Variants in WDR41 observed in about 807,000 individuals in gnomAD.
WDR41 encodes the protein WD repeat-containing protein 41.
A neutral mutation model predicts 69.3 loss-of-function variants in WDR41; 63 were observed. That is an observed-to-expected ratio of 0.91 (90% CI 0.74 to 1.12). WDR41 has a LOEUF of 1.12. Ranked by LOEUF, WDR41 falls within the 50% of genes most tolerant of loss-of-function variation. WDR41 has a pLI of 0.00. For synonymous variants in WDR41, 185 were observed against 192.1 expected (o/e 0.96, Z 0.31); for missense variants, 543 against 534.5 (o/e 1.02, Z -0.16).
intron 1 of WDR41, among the ~76,000 whole-genome samples, chr5:77,550,173 A>G (rs1743270540): frequency 6.6e-6 from 1 of 152,208 alleles, no homozygotes; most frequent in Non-Finnish European, 1.5e-5. Context: ...CATTCTGGAC[A>G]TTGGCCTTGG....
At chr5:77,503,568 T>C (rs1053747892) in intron 1 of WDR41, among the ~76,000 whole-genome samples, 13 of 152,200 alleles carry the variant, frequency 8.5e-5, no homozygotes, top group African/African-American at 2.9e-4. Flanking sequence ...ATTAACAGAA[T>C]GTACATTCTT....
At chr5:77,574,016 G>A (rs375346498) in intron 1 of WDR41, among the ~76,000 whole-genome samples, 1 of 152,230 alleles carries the variant, frequency 6.6e-6, no homozygotes, top group African/African-American at 2.4e-5. Flanking sequence ...TAAAATTCCT[G>A]GCTGGGTGCA....
intron 1 of WDR41, among the ~76,000 whole-genome samples, chr5:77,507,046 G>C (rs979106921): frequency 6.6e-6 from 1 of 152,124 alleles, no homozygotes; most frequent in South Asian, 2.1e-4. Flanking sequence ...TTTAAAAAAA[G>C]AAACATATTT....
chr5:77,601,809 TA>T (rs778699888), intron 1 of WDR41, among the ~76,000 whole-genome samples: 2 of 152,232 alleles, frequency 1.3e-5, no homozygotes, highest in Non-Finnish European at 2.9e-5. Context: ...TGAATCTTTT[TA>T]AAAACCTTTT....
chr5:77,494,751 C>G (rs1357770314), upstream of WDR41, among the ~76,000 whole-genome samples: 1 of 152,046 alleles, frequency 6.6e-6, no homozygotes, highest in African/African-American at 2.4e-5. Flanking sequence ...ATAGATAGAA[C>G]AACCAGACAA....
chr5:77,543,173 C>T (rs1330880344), intron 1 of WDR41, among the ~76,000 whole-genome samples: 1 of 152,148 alleles, frequency 6.6e-6, no homozygotes, highest in East Asian at 1.9e-4. Flanking sequence ...AGCCCTAGAC[C>T]TTCCCTCTGA....
chr5:77,594,790 G>T (rs573800147), intron 1 of WDR41, among the ~76,000 whole-genome samples: 2 of 152,204 alleles, frequency 1.3e-5, no homozygotes, highest in South Asian at 4.1e-4. Flanking sequence ...AATGCAGCCT[G>T]CATTATGCGG....
chr5:77,531,194 G>C (rs1373780739), intron 1 of WDR41, among the ~76,000 whole-genome samples: 1 of 151,678 alleles, frequency 6.6e-6, no homozygotes, highest in African/African-American at 2.4e-5. Context: ...GCATCAAAAG[G>C]CATTAAAAAG....
chr5:77,583,398 C>T (rs892450071), intron 1 of WDR41, among the ~76,000 whole-genome samples: 1 of 151,248 alleles, frequency 6.6e-6, no homozygotes, highest in Non-Finnish European at 1.5e-5. Context: ...TCTGTAGTCT[C>T]AGCTACTCAG....
intron 1 of WDR41, among the ~76,000 whole-genome samples, chr5:77,520,823 C>G (rs1259598050): frequency 2.6e-5 from 4 of 152,086 alleles, no homozygotes; most frequent in Non-Finnish European, 4.4e-5. Context: ...CTATCAAGAC[C>G]TAGAAATAGA....
chr5:77,600,556 A>G (rs1744304218), intron 1 of WDR41, among the ~76,000 whole-genome samples: 1 of 152,160 alleles, frequency 6.6e-6, no homozygotes, highest in Non-Finnish European at 1.5e-5. Flanking sequence ...TCAGAGCTGT[A>G]TATCTAAAAA....
At chr5:77,457,508 A>AT (rs1799881570) in intron 5 of WDR41, among the ~76,000 whole-genome samples, 1 of 152,078 alleles carries the variant, frequency 6.6e-6, no homozygotes. Flanking sequence ...TTTCTGCCCT[A>AT]TTTTCTGATC....
At chr5:77,498,086 G>A (rs1447749835) in intron 1 of WDR41, among the ~76,000 whole-genome samples, 2 of 152,154 alleles carry the variant, frequency 1.3e-5, no homozygotes, top group Non-Finnish European at 2.9e-5. Flanking sequence ...ACCAGGGATG[G>A]GAGAGGGGGA....
chr5:77,590,808 A>G (rs576451943), intron 1 of WDR41, among the ~76,000 whole-genome samples: 1 of 152,234 alleles, frequency 6.6e-6, no homozygotes, highest in Non-Finnish European at 1.5e-5. Flanking sequence ...TTAATGAGAG[A>G]GATTGGCTTG....
At chr5:77,618,900 T>C (rs1190359177) in intron 1 of WDR41, among the ~76,000 whole-genome samples, 1 of 152,158 alleles carries the variant, frequency 6.6e-6, no homozygotes, top group Non-Finnish European at 1.5e-5. Flanking sequence ...TGGGATCCCA[T>C]AGAAGGTGGT....
chr5:77,570,693 T>C (rs991662355), intron 1 of WDR41, among the ~76,000 whole-genome samples: 2 of 151,674 alleles, frequency 1.3e-5, no homozygotes, highest in Non-Finnish European at 2.9e-5. Flanking sequence ...CCATTCAAAT[T>C]ATCATTAGGT....
At chr5:77,484,440 T>G (rs1393121636) in intron 2 of WDR41, among the ~76,000 whole-genome samples, 1 of 152,198 alleles carries the variant, frequency 6.6e-6, no homozygotes, top group Non-Finnish European at 1.5e-5. Context: ...TAACAGATTT[T>G]AGTAAAATTT....
At chr5:77,552,756 T>G (rs772676990) in intron 1 of WDR41, among the ~76,000 whole-genome samples, 1 of 152,192 alleles carries the variant, frequency 6.6e-6, no homozygotes, top group Non-Finnish European at 1.5e-5. Context: ...TCTGCCACAC[T>G]GACTTGACAA....
At chr5:77,479,033 C>CA (rs1355679783) in intron 2 of WDR41, among the ~76,000 whole-genome samples, 265 of 152,034 alleles carry the variant, frequency 1.7e-3, no homozygotes, top group African/African-American at 6.3e-3. Flanking sequence ...ACACCAACAA[C>CA]AAACAGAGAG....
Sources: gnomAD v4.1 joint callset for allele counts (sites outside exome capture counted in the v4.1 genomes callset) on GRCh38, gnomAD v4.1.1 for gene constraint, MANE v1.5 for transcripts, NCBI Gene and HGNC (gene_info 2026-07-23, HGNC 2026-07-21) for gene names.